Variants in C4orf36 observed in about 807,000 individuals in gnomAD.
C4orf36 encodes uncharacterized protein C4orf36.
C4orf36 carries 11 observed loss-of-function variants against 12.2 expected under a neutral mutation model. The observed-to-expected ratio is 0.90, with a 90% confidence interval of 0.57 to 1.49. The LOEUF (loss-of-function observed/expected upper bound fraction) is 1.49. Among genes scored for constraint, C4orf36 ranks in the 40% most tolerant of loss-of-function variants. The pLI is 0.00. For synonymous variants in C4orf36, 54 were observed against 51.3 expected (o/e 1.05, Z -0.22); for missense variants, 137 against 133.9 (o/e 1.02, Z -0.11).
chr4:86,884,441 A>C (rs976559434), intron 4 of C4orf36, among the ~76,000 whole-genome samples: 1 of 151,796 alleles, frequency 6.6e-6, no homozygotes, highest in East Asian at 1.9e-4. Context: ...AGTAGCTGGG[A>C]CTACAGGCAC....
chr4:86,917,305 A>G, the C4orf36 span, among the ~76,000 whole-genome samples: 1 of 145,286 alleles, frequency 6.9e-6, no homozygotes, highest in Non-Finnish European at 1.5e-5. Context: ...ACAGAAATAA[A>G]GAAAGGAAGA....
At chr4:86,927,922 G>T in the C4orf36 span, among the ~76,000 whole-genome samples, 1 of 152,188 alleles carries the variant, frequency 6.6e-6, no homozygotes, top group Admixed American at 6.5e-5. Context: ...TCATCTGAGA[G>T]TGGAGGTTGC....
At chr4:86,919,233 CTT>C in the C4orf36 span, among the ~76,000 whole-genome samples, 7 of 151,324 alleles carry the variant, frequency 4.6e-5, no homozygotes, top group Non-Finnish European at 8.8e-5. Flanking sequence ...AGTATTCTCT[CTT>C]GAACTCTTGA....
the C4orf36 span, among the ~76,000 whole-genome samples, chr4:86,897,660 ACTTCT>A: frequency 2.6e-5 from 4 of 152,216 alleles, no homozygotes; most frequent in African/African-American, 7.2e-5. Flanking sequence ...CTAGTGGTAG[ACTTCT>A]CTACTCTTCT....
chr4:86,899,149 T>C, the C4orf36 span, among the ~76,000 whole-genome samples: 1 of 152,206 alleles, frequency 6.6e-6, no homozygotes, highest in Non-Finnish European at 1.5e-5. Context: ...TAAATCTGTC[T>C]GAGGATTTTA....
chr4:86,885,617 C>G (rs1747158115), intron 4 of C4orf36, among the ~76,000 whole-genome samples: 1 of 152,156 alleles, frequency 6.6e-6, no homozygotes, highest in African/African-American at 2.4e-5. Flanking sequence ...GTGGGGTTTT[C>G]TAGATATACA....
At chr4:86,924,898 CA>C in the C4orf36 span, 3 of 152,188 alleles carry the variant, frequency 2.0e-5, no homozygotes, top group Non-Finnish European at 4.4e-5. Flanking sequence ...TTACAGGAAG[CA>C]TGGTGCTGGC....
At chr4:86,892,075 G>C in intron 1 of C4orf36, 108 bp downstream of exon 1, 1 of 985,832 alleles carries the variant, frequency 1.0e-6, no homozygotes, top group Non-Finnish European at 1.2e-6. Flanking sequence ...TTCCCCGGAC[G>C]GACGCGCAGG....
upstream of C4orf36, among the ~76,000 whole-genome samples, chr4:86,894,536 T>C (rs1747549224): frequency 6.6e-6 from 1 of 152,142 alleles, no homozygotes; most frequent in African/African-American, 2.4e-5. Context: ...CTTTTTATAG[T>C]TGTAGAAATA....
the C4orf36 span, among the ~76,000 whole-genome samples, chr4:86,904,713 A>G: frequency 6.6e-6 from 1 of 151,962 alleles, no homozygotes; most frequent in African/African-American, 2.4e-5. Flanking sequence ...GGGCCGCATA[A>G]AAAGGCCGCA....
chr4:86,933,897 C>T, the C4orf36 span, among the ~76,000 whole-genome samples: 3 of 152,102 alleles, frequency 2.0e-5, no homozygotes, highest in East Asian at 3.9e-4. Flanking sequence ...TGGAGTAGGG[C>T]GAAGAGTTAT....
rs764181106 is a variant in C4orf36, at chr4:86,891,485, T to C, written c.36A>G (p.Lys12=). 6.2e-7 allele frequency: 1 copy of C among 1,613,940 alleles called. No individual in the cohort carries two copies. The highest frequency in any genetic ancestry group is 8.5e-7 in the Non-Finnish European group (1 of 1,180,020). Reference sequence around the variant, plus strand: ...TATAACAACTGCCCCGCAAAATGGTTTTCACTGTGTTCTTTCTTGGCACTC... The same window carrying C: ...TATAACAACTGCCCCGCAAAATGGTCTTCACTGTGTTCTTTCTTGGCACTC... ...AYGVPRKNTV[K]TILRGSCYNV... Residue 12 remains lysine, a synonymous_variant, in exon 2 of 5, where the codon AAA becomes AAG. Transcript: ENST00000295898.
the C4orf36 span, among the ~76,000 whole-genome samples, chr4:86,904,497 G>A: frequency 1.3e-5 from 2 of 148,608 alleles, no homozygotes; most frequent in Non-Finnish European, 3.0e-5. Context: ...CAGGGTAATC[G>A]CTTGAACCTC....
the C4orf36 span, among the ~76,000 whole-genome samples, chr4:86,897,946 G>GA: frequency 2.6e-5 from 4 of 151,850 alleles, no homozygotes; most frequent in Admixed American, 6.6e-5. Context: ...CTAAGTATAG[G>GA]AAAAAAAAGT....
At chr4:86,927,052 A>G in the C4orf36 span, among the ~76,000 whole-genome samples, 1 of 152,222 alleles carries the variant, frequency 6.6e-6, no homozygotes, top group Admixed American at 6.5e-5. Flanking sequence ...GTGGCCCATA[A>G]AACTTAAAAT....
the C4orf36 span, chr4:86,913,352 G>T: frequency 2.4e-6 from 2 of 833,390 alleles, no homozygotes; most frequent in East Asian, 6.5e-5. Context: ...CGACAATCTT[G>T]CTTGCCCACC....
chr4:86,905,889 A>G, the C4orf36 span, among the ~76,000 whole-genome samples: 1 of 151,536 alleles, frequency 6.6e-6, no homozygotes, highest in South Asian at 2.1e-4. Flanking sequence ...TGACTTTTCT[A>G]TTTGTATTTT....
At chr4:86,934,688 C>T in the C4orf36 span, 1 of 152,254 alleles carries the variant, frequency 6.6e-6, no homozygotes, top group Non-Finnish European at 1.5e-5. Context: ...CTCCTTGACA[C>T]TTTTTGCTCA....
chr4:86,919,330 T>TTC, the C4orf36 span, among the ~76,000 whole-genome samples: 1 of 139,954 alleles, frequency 7.1e-6, no homozygotes, highest in Non-Finnish European at 1.5e-5. Flanking sequence ...TTTTTTTTTT[T>TTC]TTTTTTTTTT....
Sources: allele counts gnomAD v4.1 joint callset (sites outside exome capture counted in the v4.1 genomes callset), GRCh38; gene constraint gnomAD v4.1.1; transcripts MANE v1.5; gene names NCBI Gene and HGNC (gene_info 2026-07-23, HGNC 2026-07-21).